Variants in PTCD1 observed in about 807,000 individuals in gnomAD.
PTCD1 encodes pentatricopeptide repeat domain 1.
In PTCD1, 50 loss-of-function variants were observed where a neutral mutation model predicts 53.4. The ratio of observed to expected loss-of-function variants is 0.94; its 90% confidence interval spans 0.75 to 1.19. The LOEUF is 1.19. Ranked by LOEUF, PTCD1 falls within the 50% of genes most tolerant of loss-of-function variation. The pLI is 0.00. For synonymous variants in PTCD1, 413 were observed against 394.8 expected, an observed-to-expected ratio of 1.05 and a Z score of -0.55; for missense variants, 918 against 904.8, an observed-to-expected ratio of 1.01 and a Z score of -0.19.
At chr7:99,437,905 T>A (rs979649869) in intron 1 of PTCD1, among the ~76,000 whole-genome samples, 2 of 152,062 alleles carry the variant, frequency 1.3e-5, no homozygotes, top group Non-Finnish European at 2.9e-5. Context: ...CCTCACGTGA[T>A]CCTCTCGCCT....
chr7:99,420,243 C>G (rs1795738409), intron 7 of PTCD1, 94 bp from the exon 8 acceptor site: 1 of 1,567,208 alleles, frequency 6.4e-7, no homozygotes, highest in African/African-American at 1.4e-5. Flanking sequence ...AAGCTGGTGG[C>G]TGCCATTTTC....
intron 5 of PTCD1, among the ~76,000 whole-genome samples, chr7:99,427,279 G>A (rs1796078290): frequency 7.0e-6 from 1 of 142,852 alleles, no homozygotes; most frequent in South Asian, 2.2e-4. Context: ...CCTCTGCCCG[G>A]CTAGCACCCC....
rs1007503243 is a variant in PTCD1 at position 99,418,885 on chromosome 7, C to T, written c.*1082G>A. 6.3e-6 allele frequency: 1 copy of T among 158,554 alleles called. No individual in the cohort carries two copies. Among genetic ancestry groups the T allele is most frequent in the Non-Finnish European group, 1.4e-5 (1 of 71,878 alleles). The allele number at this position is 158,554 out of a possible 1,614,324, so 9.8% of individuals were successfully genotyped here. On this transcript the variant is annotated 3_prime_UTR_variant, in exon 8 of 8. Coordinates refer to ENST00000292478, the MANE Select transcript of PTCD1 (RefSeq NM_015545.4). ...ATAAACACAAGCCACTGTTCTAGGG[C>T]TTTCTGGCTGGCCAAGTGTTGGGCC...
chr7:99,421,172 G>C (rs1471341603), intron 7 of PTCD1, among the ~76,000 whole-genome samples: 1 of 152,078 alleles, frequency 6.6e-6, no homozygotes, highest in African/African-American at 2.4e-5. Context: ...GTGTGTGCTG[G>C]CTCACTCCTA....
rs1478486995 is a variant in PTCD1 at position 99,419,348 on chromosome 7, G to A, written c.*619C>T. On this transcript the variant is annotated 3_prime_UTR_variant, in exon 8 of 8. Transcript: ENST00000292478. ...CACATATGTGAGTGTGCAGGGGCGA[G>A]CGTGGCGCAGTGGCATCGTCTCACT... 4 of 1,609,176 alleles carry A rather than the reference G, an allele frequency of 2.5e-6. No homozygotes were observed. The highest frequency in any genetic ancestry group is 2.2e-5 in the East Asian group (1 of 44,862).
intron 2 of PTCD1, 115 bp downstream of exon 2, chr7:99,434,675 G>T: frequency 7.5e-7 from 1 of 1,324,724 alleles, no homozygotes; most frequent in Non-Finnish European, 1.1e-6. Context: ...AAGGCTGGCA[G>T]TTCAACAGGG....
In PTCD1 at chr7:99,438,704, G is replaced by A; in HGVS notation, c.-39C>T. Reference sequence around the variant, plus strand: ...CACAGGAACTCACTTGAAGTGTCCGGCGCAGTGCACTCCGACGGGGAGCCC... The same window carrying A: ...CACAGGAACTCACTTGAAGTGTCCGACGCAGTGCACTCCGACGGGGAGCCC... On this transcript the variant is annotated 5_prime_UTR_variant, in exon 1 of 8. Transcript: ENST00000292478. 1 of 1,289,346 alleles carries A rather than the reference G, an allele frequency of 7.8e-7. No individual in the cohort carries two copies. The highest frequency in any genetic ancestry group is 1.3e-5 in the South Asian group (1 of 79,840). The allele number at this position is 1,289,346 out of a possible 1,614,324, so 79.9% of individuals were successfully genotyped here.
intron 2 of PTCD1, among the ~76,000 whole-genome samples, chr7:99,434,413 C>T (rs1436367526): frequency 1.3e-5 from 2 of 152,042 alleles, no homozygotes; most frequent in Non-Finnish European, 2.9e-5. Flanking sequence ...CGTGCCACTG[C>T]ACTCCAGCCT....
Position 99,425,239 on chromosome 7 carries a change from C to T in PTCD1, c.1293G>A (p.Leu431=). 2 of 1,612,284 alleles carry T rather than the reference C, an allele frequency of 1.2e-6. No individual in the cohort carries two copies. The highest frequency in any genetic ancestry group is 1.7e-6 in the Non-Finnish European group (2 of 1,178,660). Residue 431 remains leucine (L), a synonymous_variant, in exon 6 of 8, where the codon CTG becomes CTA. Coordinates refer to ENST00000292478, the MANE Select transcript of PTCD1 (RefSeq NM_015545.4). ...SHTAALTAVA[L]KPPPVELEVN... is the part of the protein sequence containing the mutation. ...CTTCCAGCTCCACGGGAGGTGGCTT[C>T]AGGGCCACTGCGGTGAGGGCTGCTG...
chr7:99,433,342 G>C lies in PTCD1; in HGVS notation c.530C>G (p.Thr177Arg), dbSNP rs374882141. Residue 177 changes from threonine to arginine, a missense_variant, in exon 3 of 8, where the codon ACG (threonine) becomes AGG (arginine). Coordinates refer to ENST00000292478, the MANE Select transcript of PTCD1 (RefSeq NM_015545.4). ...ERLQPMESNY[T>R]VLIGGCGRVG... ...CCGCCCGCAGCCCCCAATCAGCACC[G>C]TGTAGTTGCTCTCCATGGGCTGCAA... 1 of 1,614,028 alleles carries C rather than the reference G, an allele frequency of 6.2e-7. No individual in the cohort carries two copies. The highest frequency in any genetic ancestry group is 1.3e-5 in the African/African-American group (1 of 74,900).
At position 99,423,635 on chromosome 7, in the gene PTCD1, G is replaced by A. The variant is rs1192539623; in HGVS notation, c.1920+140C>T. 6.0e-6 allele frequency: 8 copies of A among 1,343,166 alleles called. No individual in the cohort carries two copies. In the Admixed American group the frequency reaches 1.1e-4, roughly 19 times the overall value. 83.2% of individuals were successfully genotyped at this position (1,343,166 alleles called of 1,614,324 possible). On this transcript the variant is annotated intron_variant, in intron 7 of 7. Coordinates refer to ENST00000292478, the MANE Select transcript of PTCD1 (RefSeq NM_015545.4). ...TCGCAGGCTGTGGTCTACAGACTTG[G>A]GTACTGCTCCTAAGGGAAGCTGCTG...
chr7:99,435,015 C>T lies in PTCD1; in HGVS notation c.228G>A (p.Thr76=), dbSNP rs147366239. 6 of 1,613,968 alleles carry T rather than the reference C, an allele frequency of 3.7e-6. No homozygotes were observed. Among genetic ancestry groups the T allele is most frequent in the Non-Finnish European group, 5.1e-6 (6 of 1,179,998 alleles). The stretch of plus-strand genomic sequence containing the variant: ...CCTCCTCGTCTTCTTCCTGCGTGGC[C>T]GTGGAGTTGGAGTGGCTCGGGTCAG... ...LGSDPSHSNS[T]ATQEEDEEEE... Residue 76 remains threonine (T), a synonymous_variant, in exon 2 of 8, where the codon ACG becomes ACA. Transcript: ENST00000292478.
rs1795586123 is a variant in PTCD1 at position 99,417,758 on chromosome 7, A to G, written c.*2209T>C. ...AGTGGGTCCCTGTATTCAGGAATCC[A>G]TGTGAGGCAGCGTGTGGCTGTGTGT... On this transcript the variant is annotated 3_prime_UTR_variant, in exon 8 of 8. Transcript: ENST00000292478. The G allele has an allele frequency of 5.9e-6, 9 of 1,533,612 alleles. No individual in the cohort carries two copies. The highest frequency in any genetic ancestry group is 7.9e-6 in the Non-Finnish European group (9 of 1,145,764).
chr7:99,435,796 G>A (rs776273281), intron 1 of PTCD1, among the ~76,000 whole-genome samples: 2 of 151,064 alleles, frequency 1.3e-5, no homozygotes, highest in Non-Finnish European at 2.9e-5. Flanking sequence ...CATGAGCTGG[G>A]TGTGGTGCTA....
Position 99,425,574 on chromosome 7 carries a change from C to T in PTCD1, c.958G>A (p.Asp320Asn), listed in dbSNP as rs764571294. The T allele has an allele frequency of 9.9e-6, 16 of 1,611,810 alleles. No individual in the cohort carries two copies. The highest frequency in any genetic ancestry group is 1.4e-5 in the Non-Finnish European group (16 of 1,179,834). ...MLSLGLQPSR[D>N]SYNLLLVAAR... The stretch of plus-strand genomic sequence containing the variant: ...GCCACCAACAGCAGGTTGTAGCTGT[C>T]CCGGCTCGGCTGTAGCCCTAGACTC... The change falls in exon 6 of 8, where the codon GAC becomes AAC. Residue 320 changes from aspartate to asparagine, a missense_variant. Physicochemically the swap from Asp to Asn is conservative, Grantham distance 23. Transcript: ENST00000292478.
chr7:99,419,479 G>A lies in PTCD1; in HGVS notation c.*488C>T. ...CCACCCTGGACTCTGGACTTCGCAG[G>A]TTCCTGCCTGTCACGCCACCCCCTT... is the stretch of plus-strand genomic sequence containing the variant. On this transcript the variant is annotated 3_prime_UTR_variant, in exon 8 of 8. Coordinates refer to ENST00000292478, the MANE Select transcript of PTCD1 (RefSeq NM_015545.4). 6.2e-7 allele frequency: 1 copy of A among 1,606,554 alleles called. No homozygotes were observed. The highest frequency in any genetic ancestry group is 8.5e-7 in the Non-Finnish European group (1 of 1,178,756).
chr7:99,421,434 AAAAAAAAAAAAAAG>A (rs1472357564), intron 7 of PTCD1, among the ~76,000 whole-genome samples: 1 of 144,472 alleles, frequency 6.9e-6, no homozygotes, highest in African/African-American at 2.8e-5. Context: ...CTCTTTAAAA[AAAAAAAAAAAAAAG>A]AAAAAAGAAA....
At chr7:99,429,893 G>A in intron 3 of PTCD1, 87 bp from the exon 4 acceptor site, 1 of 1,527,754 alleles carries the variant, frequency 6.5e-7, no homozygotes, top group Non-Finnish European at 8.9e-7. Context: ...TGAGGCTGGA[G>A]AGGACCCCGT....
rs981796764 is a variant in PTCD1, at chr7:99,419,534, C to T, written c.*433G>A. 4.0e-5 allele frequency: 57 copies of T among 1,427,518 alleles called. No homozygotes were observed. The highest frequency in any genetic ancestry group is 2.2e-4 in the Admixed American group (13 of 58,816). The allele number at this position is 1,427,518 out of a possible 1,614,324, so 88.4% of individuals were successfully genotyped here. A position where few individuals can be genotyped will look rare whatever the true frequency, so the allele number is the denominator to read the frequency against. ...GGAGCAGCGAGCAGTGCCCCAGGCC[C>T]GAGTTGGAGCACGGTCTCTATGGGG... On this transcript the variant is annotated 3_prime_UTR_variant, in exon 8 of 8. Coordinates refer to ENST00000292478, the MANE Select transcript of PTCD1 (RefSeq NM_015545.4).
Sources: allele counts gnomAD v4.1 joint callset (sites outside exome capture counted in the v4.1 genomes callset), GRCh38; gene constraint gnomAD v4.1.1; transcripts MANE v1.5; gene names NCBI Gene and HGNC (gene_info 2026-07-23, HGNC 2026-07-21).